The following TAFA4 variants were observed in gnomAD, a reference collection of about 807,000 sequenced individuals.
TAFA4 encodes TAFA chemokine like family member 4, also known as chemokine-like protein TAFA-4.
Under a neutral mutation model 21.1 loss-of-function variants are expected in TAFA4, and 20 were observed. That is an observed-to-expected ratio of 0.95 (90% CI 0.67 to 1.38). The LOEUF (loss-of-function observed/expected upper bound fraction) is 1.38. Ranked by LOEUF, TAFA4 falls within the 40% of genes most tolerant of loss-of-function variation. The probability of loss-of-function intolerance (pLI) is 0.00; values close to 1 mark genes in which losing one functional copy is unlikely to be tolerated. For synonymous variants in TAFA4, 71 were observed against 67.4 expected, an observed-to-expected ratio of 1.05 and a Z score of -0.26; for missense variants, 211 against 180.9, an observed-to-expected ratio of 1.17 and a Z score of -0.95.
intron 4 of TAFA4, among the ~76,000 whole-genome samples, chr3:68,743,351 A>G (rs1312614395): frequency 6.6e-6 from 1 of 152,128 alleles, no homozygotes; most frequent in Non-Finnish European, 1.5e-5. Context: ...CTAGGTGGGC[A>G]GATCACTTGA....
chr3:68,839,481 G>T (rs1704603823), intron 3 of TAFA4, among the ~76,000 whole-genome samples: 1 of 152,204 alleles, frequency 6.6e-6, no homozygotes, highest in Non-Finnish European at 1.5e-5. Flanking sequence ...AAATATTGTA[G>T]TCAAGGCAGG....
intron 1 of TAFA4, among the ~76,000 whole-genome samples, chr3:68,891,516 G>A (rs888426626): frequency 7.2e-5 from 11 of 152,282 alleles, no homozygotes; most frequent in Admixed American, 2.6e-4. Flanking sequence ...GGTGCCTTCT[G>A]TACTCAGCCC....
At chr3:68,768,588 C>T (rs1207709501) in intron 3 of TAFA4, among the ~76,000 whole-genome samples, 3 of 152,150 alleles carry the variant, frequency 2.0e-5, no homozygotes, top group African/African-American at 7.2e-5. Flanking sequence ...CCAGCAATCT[C>T]ACTACCTGGT....
chr3:68,776,336 C>T (rs1369831881), intron 3 of TAFA4, among the ~76,000 whole-genome samples: 2 of 152,008 alleles, frequency 1.3e-5, no homozygotes, highest in South Asian at 2.1e-4. Flanking sequence ...ATACACCATA[C>T]AGAAAGTAAG....
intron 3 of TAFA4, among the ~76,000 whole-genome samples, chr3:68,779,139 T>C (rs1052601868): frequency 5.9e-5 from 9 of 152,176 alleles, no homozygotes; most frequent in South Asian, 4.1e-4. Flanking sequence ...CCCTAGAAAT[T>C]TGTGGAACTT....
chr3:68,827,052 C>T (rs767808531), intron 3 of TAFA4, among the ~76,000 whole-genome samples: 3 of 135,292 alleles, frequency 2.2e-5, no homozygotes, highest in Non-Finnish European at 4.8e-5. Flanking sequence ...CACCCCCCAA[C>T]AGGCCCCTGT....
chr3:68,741,593 G>A (rs1332607440), intron 4 of TAFA4, among the ~76,000 whole-genome samples: 5 of 151,950 alleles, frequency 3.3e-5, no homozygotes, highest in Admixed American at 3.3e-4. Context: ...AGGAGATCGA[G>A]ACCATCCTGG....
At chr3:68,807,875 A>G (rs943241257) in intron 3 of TAFA4, among the ~76,000 whole-genome samples, 5 of 152,202 alleles carry the variant, frequency 3.3e-5, no homozygotes, top group Non-Finnish European at 5.9e-5. Flanking sequence ...ATATAATTGC[A>G]AGTATCTGGT....
At chr3:68,896,696 T>C (rs1195234666) in intron 1 of TAFA4, among the ~76,000 whole-genome samples, 1 of 152,130 alleles carries the variant, frequency 6.6e-6, no homozygotes, top group African/African-American at 2.4e-5. Flanking sequence ...GAGAATGAAT[T>C]TGGCCAGCTA....
rs150019273 is a variant in TAFA4, at chr3:68,847,177, T to A, written c.130+33553A>T. 2.5e-3 allele frequency among the ~76,000 whole-genome samples: 384 copies of A among 152,358 alleles called. 2 individuals are homozygous for A. Among genetic ancestry groups the A allele is most frequent in the African/African-American group, 9.1e-3 (377 of 41,590 alleles). Reference sequence around the variant, plus strand: ...GATGGAAGTTTTATCTATAAGCCCCTGACTTGGTCTGCTGCCTTTCTTTCA... The same window carrying A: ...GATGGAAGTTTTATCTATAAGCCCCAGACTTGGTCTGCTGCCTTTCTTTCA... On this transcript the variant is annotated intron_variant, in intron 3 of 5. Coordinates refer to ENST00000295569, the MANE Select transcript of TAFA4 (RefSeq NM_182522.5).
intron 1 of TAFA4, among the ~76,000 whole-genome samples, chr3:68,902,808 A>T (rs1212989493): frequency 2.6e-5 from 4 of 152,232 alleles, no homozygotes; most frequent in African/African-American, 9.6e-5. Flanking sequence ...AAAACACTTG[A>T]CATCCAAACA....
At chr3:68,798,728 A>C (rs1252474575) in intron 3 of TAFA4, among the ~76,000 whole-genome samples, 8 of 152,206 alleles carry the variant, frequency 5.3e-5, no homozygotes, top group Non-Finnish European at 1.2e-4. Flanking sequence ...TTCGGAGTTG[A>C]GCTATGTTTG....
At chr3:68,909,495 G>A (rs530167760) in intron 1 of TAFA4, among the ~76,000 whole-genome samples, 1 of 152,110 alleles carries the variant, frequency 6.6e-6, no homozygotes, top group Non-Finnish European at 1.5e-5. Context: ...CATGAAATAG[G>A]AAACTGTCCA....
intron 5 of TAFA4, among the ~76,000 whole-genome samples, chr3:68,734,666 C>A (rs1254753303): frequency 3.3e-5 from 5 of 152,086 alleles, no homozygotes; most frequent in Admixed American, 2.0e-4. Context: ...TGGCCATGTT[C>A]TGTGATGGGG....
intron 3 of TAFA4, among the ~76,000 whole-genome samples, chr3:68,819,599 T>A (rs1306393639): frequency 6.6e-6 from 1 of 152,132 alleles, no homozygotes; most frequent in Non-Finnish European, 1.5e-5. Context: ...CTCAAACAAC[T>A]CAATAGTAAG....
chr3:68,767,794 A>C (rs534086373), intron 3 of TAFA4, among the ~76,000 whole-genome samples: 88 of 152,186 alleles, frequency 5.8e-4, no homozygotes, highest in Middle Eastern at 3.4e-3. Context: ...ATATATATAT[A>C]TATTTCCACA....
At chr3:68,763,199 G>A (rs777634273) in intron 3 of TAFA4, among the ~76,000 whole-genome samples, 56 of 152,156 alleles carry the variant, frequency 3.7e-4, no homozygotes, top group Non-Finnish European at 2.8e-4. Context: ...CCTAAAGAGA[G>A]ACCTTTAGGA....
chr3:68,851,421 G>C (rs966672050), intron 3 of TAFA4, among the ~76,000 whole-genome samples: 1 of 152,064 alleles, frequency 6.6e-6, no homozygotes, highest in Non-Finnish European at 1.5e-5. Context: ...GGGTTGATAG[G>C]TGCAGCAAAC....
At chr3:68,832,781 C>T (rs1012203464) in intron 3 of TAFA4, among the ~76,000 whole-genome samples, 1 of 152,238 alleles carries the variant, frequency 6.6e-6, no homozygotes, top group Non-Finnish European at 1.5e-5. Flanking sequence ...CAGATATGCC[C>T]TGCCTCCAGA....
Sources: gnomAD v4.1 joint callset for allele counts (sites outside exome capture counted in the v4.1 genomes callset) on GRCh38, gnomAD v4.1.1 for gene constraint, MANE v1.5 for transcripts, NCBI Gene and HGNC (gene_info 2026-07-23, HGNC 2026-07-21) for gene names.